F11R: variants seen among roughly 807,000 people sequenced by gnomAD.
F11R encodes the protein F11 receptor, also known as junctional adhesion molecule A.
F11R carries 27 observed loss-of-function variants against 39.3 expected under a neutral mutation model. The ratio of observed to expected loss-of-function variants is 0.69; its 90% CI spans 0.51 to 0.95. The LOEUF (loss-of-function observed/expected upper bound fraction) is 0.95. F11R is among the 40% of genes least tolerant of loss of function. F11R has a pLI of 0.00. For synonymous variants in F11R, 131 were observed against 144.9 expected (o/e 0.90, Z 0.69); for missense variants, 335 against 372.7 (o/e 0.90, Z 0.83).
rs370080313 is a variant in F11R, at chr1:161,000,806, C to T, written c.242-29G>A. The T allele has an allele frequency of 7.4e-6, 12 of 1,613,578 alleles. No homozygotes were observed. The African/African-American group carries it at 1.3e-4, about 18-fold the overall frequency. On this transcript the variant is annotated intron_variant, in intron 3 of 9. Coordinates refer to ENST00000368026, the MANE Select transcript of F11R (RefSeq NM_016946.6). Reference sequence around the variant, plus strand: ...CCACAAGAGGAGGCAAGAGCAAGGACAGAGTGAACTGGAGAGCTAAGGGAG... The same window carrying T: ...CCACAAGAGGAGGCAAGAGCAAGGATAGAGTGAACTGGAGAGCTAAGGGAG...
chr1:161,004,574 G>T (rs960922401), intron 1 of F11R, among the ~76,000 whole-genome samples: 1 of 151,880 alleles, frequency 6.6e-6, no homozygotes, highest in Non-Finnish European at 1.5e-5. Flanking sequence ...ACCAGGCATG[G>T]TGACACATGC....
chr1:161,000,954 C>T (rs1362048667), intron 3 of F11R, 66 bp downstream of exon 3: 17 of 1,508,098 alleles, frequency 1.1e-5, no homozygotes, highest in African/African-American at 8.3e-5. Flanking sequence ...AAGTCTGGAT[C>T]GTAGAATCCA....
chr1:160,999,286 C>A, intron 8 of F11R, 110 bp downstream of exon 8: 1 of 1,523,468 alleles, frequency 6.6e-7, no homozygotes, highest in South Asian at 1.1e-5. Context: ...GCCTTCCCTC[C>A]AAACTGGTTG....
At position 161,021,117 on chromosome 1, in the gene F11R, G is replaced by T; in HGVS notation, c.-44C>A. ...ACAACAGCCGCCGAAGGACTCCTGG[G>T]AACAGACACAGCTCCGCGACTACAG... On this transcript the variant is annotated 5_prime_UTR_variant, in exon 1 of 10. Coordinates refer to ENST00000368026, the MANE Select transcript of F11R (RefSeq NM_016946.6). The T allele has an allele frequency of 6.4e-7, 1 of 1,558,162 alleles. No individual in the cohort carries two copies. The highest frequency in any genetic ancestry group is 8.8e-7 in the Non-Finnish European group (1 of 1,131,818).
intron 3 of F11R, 112 bp from the exon 4 acceptor site, chr1:161,000,889 G>A: frequency 6.7e-7 from 1 of 1,499,562 alleles, no homozygotes; most frequent in Non-Finnish European, 9.2e-7. Flanking sequence ...CAGAAAGGGG[G>A]GTAGGAAGGC....
rs755371627 is a variant in F11R at position 161,003,123 on chromosome 1, AT to A, written c.65-1771del. ...TACCACCATGCCGGCTAATTTTTGT[AT>A]TTTTTTTTTTTTTTTTGAGACAGAG... On this transcript the variant is annotated intron_variant, in intron 1 of 9. Coordinates refer to ENST00000368026, the MANE Select transcript of F11R (RefSeq NM_016946.6). Among the ~76,000 whole-genome samples the A allele has an allele frequency of 9.3e-3, 977 of 105,538 alleles. 12 individuals are homozygous for A. The highest frequency in any genetic ancestry group is 0.028 in the African/African-American group (765 of 26,876). 69.2% of individuals were successfully genotyped at this position (105,538 alleles called of 152,430 possible).
At chr1:161,002,537 T>C (rs1648555171) in intron 1 of F11R, 1 of 152,186 alleles carries the variant, frequency 6.6e-6, no homozygotes, top group African/African-American at 2.4e-5. Flanking sequence ...AACCTGCACT[T>C]ACACAATTAT....
rs1010105070 is a variant in F11R at position 160,998,390 on chromosome 1, T to C, written c.*481A>G. On this transcript the variant is annotated 3_prime_UTR_variant, in exon 10 of 10. Coordinates refer to ENST00000368026, the MANE Select transcript of F11R (RefSeq NM_016946.6). ...CCCCAGAGATGGAAGGACCCCAGTG[T>C]CATCACCAAACAACCATTTCAGCCG... 2 of 187,484 alleles carry C rather than the reference T, an allele frequency of 1.1e-5. No individual in the cohort carries two copies. The highest frequency in any genetic ancestry group is 4.7e-5 in the African/African-American group (2 of 42,120). The allele number at this position is 187,484 out of a possible 1,614,324, so 11.6% of individuals were successfully genotyped here. A position where few individuals can be genotyped will look rare whatever the true frequency, so the allele number is the denominator to read the frequency against.
intron 1 of F11R, among the ~76,000 whole-genome samples, chr1:161,016,789 T>G (rs1381189291): frequency 6.6e-6 from 1 of 152,142 alleles, no homozygotes; most frequent in East Asian, 1.9e-4. Context: ...AGGGAACAAT[T>G]CACTCCTGGG....
chr1:160,999,638 A>G lies in F11R; in HGVS notation c.802+2T>C. 1 of 1,613,262 alleles carries G rather than the reference A, an allele frequency of 6.2e-7. No homozygotes were observed. The highest frequency in any genetic ancestry group is 8.5e-7 in the Non-Finnish European group (1 of 1,179,230). Reference sequence around the variant, plus strand: ...GGAGAGCCTCTGGGGGCAGATACTTACTGTCAAAGTGGCCTCGGCTATAGG... The same window carrying G: ...GGAGAGCCTCTGGGGGCAGATACTTGCTGTCAAAGTGGCCTCGGCTATAGG... On this transcript the variant is annotated splice_donor_variant, in intron 7 of 9. Coordinates refer to ENST00000368026, the MANE Select transcript of F11R (RefSeq NM_016946.6). LOFTEE classifies it high-confidence loss of function.
At chr1:161,020,197 T>C (rs986238572) in intron 1 of F11R, among the ~76,000 whole-genome samples, 1 of 152,148 alleles carries the variant, frequency 6.6e-6, no homozygotes, top group Non-Finnish European at 1.5e-5. Context: ...GTGAGCCTCA[T>C]TGTTCCTCAG....
chr1:161,013,901 G>A (rs1649304832), intron 1 of F11R, among the ~76,000 whole-genome samples: 2 of 152,140 alleles, frequency 1.3e-5, no homozygotes, highest in Non-Finnish European at 2.9e-5. Context: ...CTTACTTCAG[G>A]GGCCCAGCAC....
rs1391106893 is a variant in F11R at position 160,997,570 on chromosome 1, G to C, written c.*1301C>G. The C allele has an allele frequency of 6.5e-6, 1 of 152,760 alleles. No individual in the cohort carries two copies. The highest frequency in any genetic ancestry group is 1.9e-4 in the East Asian group (1 of 5,340). The allele number at this position is 152,760 out of a possible 1,614,324, so 9.5% of individuals were successfully genotyped here. On this transcript the variant is annotated 3_prime_UTR_variant, in exon 10 of 10. Transcript: ENST00000368026. ...TTGAGATAAGAACCAGGAAGGGGCA[G>C]GACCAGGCACTGGGAACCAGCCCCA...
At chr1:161,017,254 T>C (rs1260964025) in intron 1 of F11R, among the ~76,000 whole-genome samples, 2 of 152,098 alleles carry the variant, frequency 1.3e-5, no homozygotes, top group East Asian at 1.9e-4. Flanking sequence ...CCAACACCTG[T>C]AAAGGGTCTG....
At position 160,999,937 on chromosome 1, in the gene F11R, G is replaced by A. The variant is rs1277017241; in HGVS notation, c.633C>T (p.Ser211=). The change falls in exon 6 of 10, where the codon AGC becomes AGT. Residue 211 remains serine, a synonymous_variant. Coordinates refer to ENST00000368026, the MANE Select transcript of F11R (RefSeq NM_016946.6). ...PLSASDTGEY[S]CEARNGYGTP... ...TCCCATACCCATTCCGTGCCTCACA[G>A]CTGTATTCTCCAGTATCAGAGGCTG... The A allele has an allele frequency of 6.2e-7, 1 of 1,614,100 alleles. No individual in the cohort carries two copies. Among genetic ancestry groups the A allele is most frequent in the Non-Finnish European group, 8.5e-7 (1 of 1,180,044 alleles).
At position 161,000,213 on chromosome 1, in the gene F11R, G is replaced by A. The variant is rs144844671; in HGVS notation, c.524C>T (p.Thr175Met). The change falls in exon 5 of 10, where the codon ACG becomes ATG. Residue 175 changes from threonine to methionine, a missense_variant. Transcript: ENST00000368026. ...TWFKDGIVMP[T>M]NPKSTRAFSN... ...GAAGGCACGGGTGCTTTTGGGATTC[G>A]TAGGCATCACTATCCCATCTTTGAA... 14 of 1,614,104 alleles carry A rather than the reference G, an allele frequency of 8.7e-6. No homozygotes were observed. Among genetic ancestry groups the A allele is most frequent in the East Asian group, 6.7e-5 (3 of 44,880 alleles).
At chr1:161,003,713 A>C (rs1648630767) in intron 1 of F11R, among the ~76,000 whole-genome samples, 1 of 151,456 alleles carries the variant, frequency 6.6e-6, no homozygotes, top group African/African-American at 2.4e-5. Context: ...AGTAGCTGGG[A>C]TTACAGGCGC....
At position 160,995,622 on chromosome 1, in the gene F11R, C is replaced by T. The variant is rs570192127; in HGVS notation, c.*3249G>A. 3 of 152,296 alleles carry T rather than the reference C, an allele frequency of 2.0e-5. No individual in the cohort carries two copies. The highest frequency in any genetic ancestry group is 3.9e-4 in the East Asian group (2 of 5,176). The allele number at this position is 152,296 out of a possible 1,614,324, so 9.4% of individuals were successfully genotyped here. ...CAAAAATTAGCTGGGCATGGTGGCA[C>T]ACGCCTATAGTCCCAGCTACTTAGG... is the stretch of plus-strand genomic sequence containing the variant. On this transcript the variant is annotated 3_prime_UTR_variant, in exon 10 of 10. Coordinates refer to ENST00000368026, the MANE Select transcript of F11R (RefSeq NM_016946.6).
intron 1 of F11R, among the ~76,000 whole-genome samples, chr1:161,019,517 C>T (rs544859868): frequency 1.3e-5 from 2 of 151,520 alleles, no homozygotes; most frequent in East Asian, 3.9e-4. Context: ...ATCGCTTAAA[C>T]CCGGAAGGCG....
Sources: allele counts gnomAD v4.1 joint callset (sites outside exome capture counted in the v4.1 genomes callset), GRCh38; gene constraint gnomAD v4.1.1; transcripts MANE v1.5; gene names NCBI Gene and HGNC (gene_info 2026-07-23, HGNC 2026-07-21).